The following PTPRD variants were observed in gnomAD, a reference collection of about 807,000 sequenced individuals.
The protein encoded by PTPRD is receptor-type tyrosine-protein phosphatase delta.
In PTPRD, 34 loss-of-function variants were observed where a neutral mutation model predicts 214.5. The observed-to-expected ratio is 0.16, with a 90% CI of 0.12 to 0.21. The LOEUF (loss-of-function observed/expected upper bound fraction) is 0.21. PTPRD is among the 10% of genes least tolerant of loss of function. The probability of loss-of-function intolerance (pLI) is 1.00; values close to 1 mark genes in which losing one functional copy is unlikely to be tolerated. For synonymous variants in PTPRD, 1,128 were observed against 845.7 expected (o/e 1.33, Z -5.79); for missense variants, 2,545 against 2,398.7 (o/e 1.06, Z -1.27).
chr9:10,356,762 C>T (rs2097286758), intron 2 of PTPRD, among the ~76,000 whole-genome samples: 1 of 152,010 alleles, frequency 6.6e-6, no homozygotes, highest in Non-Finnish European at 1.5e-5. Context: ...TTACAGAAAC[C>T]TCTGTCTCCC....
At chr9:9,832,233 T>G (rs1355215171) in intron 5 of PTPRD, among the ~76,000 whole-genome samples, 1 of 151,948 alleles carries the variant, frequency 6.6e-6, no homozygotes, top group Non-Finnish European at 1.5e-5. Context: ...AAGTAGATCT[T>G]GGAGTAGCAG....
chr9:9,689,174 C>T (rs79196071), intron 7 of PTPRD, among the ~76,000 whole-genome samples: 2,332 of 151,842 alleles, frequency 0.015, 55 homozygotes, highest in African/African-American at 0.054. Context: ...TCCAATTTCA[C>T]GACCAGAGAC....
At chr9:10,289,700 A>G (rs2095474118) in intron 3 of PTPRD, among the ~76,000 whole-genome samples, 1 of 152,226 alleles carries the variant, frequency 6.6e-6, no homozygotes, top group African/African-American at 2.4e-5. Context: ...AAAGGGCTAA[A>G]TAGGAAATCT....
rs2097153530 is a variant in PTPRD, at chr9:10,349,920, C to CA, written c.-599-8904dup. On this transcript the variant is annotated intron_variant, in intron 2 of 45. Transcript: ENST00000381196. ...CAGGTGGTCGGCCCACCTCGTCCCCCAAAGTGCTGGGATTACAGGCATGAG... is the reference window on the plus strand; with the variant it reads ...CAGGTGGTCGGCCCACCTCGTCCCCCAAAAGTGCTGGGATTACAGGCATGAG... Among the ~76,000 whole-genome samples, 9 of 152,176 alleles carry CA rather than the reference C, an allele frequency of 5.9e-5. 1 individual carries two copies. Among genetic ancestry groups the CA allele is most frequent in the Admixed American group, 5.2e-4 (8 of 15,274 alleles).
At chr9:8,504,599 T>A (rs964008589) in intron 22 of PTPRD, among the ~76,000 whole-genome samples, 194 bp from the exon 23 acceptor site, 9 of 152,156 alleles carry the variant, frequency 5.9e-5, no homozygotes, top group South Asian at 2.1e-4. Flanking sequence ...AAAAGGCAAG[T>A]TTCTACAAAG....
At chr9:9,288,875 T>A (rs1950305935) in intron 9 of PTPRD, among the ~76,000 whole-genome samples, 1 of 151,820 alleles carries the variant, frequency 6.6e-6, no homozygotes. Flanking sequence ...TATAAGGGAC[T>A]TTTCCTCCTT....
At chr9:10,494,303 C>A (rs538056011) in intron 2 of PTPRD, among the ~76,000 whole-genome samples, 1 of 151,848 alleles carries the variant, frequency 6.6e-6, no homozygotes, top group African/African-American at 2.4e-5. Flanking sequence ...TGATTACATG[C>A]ATTTCTATTT....
intron 3 of PTPRD, among the ~76,000 whole-genome samples, chr9:10,143,464 A>G (rs1264632828): frequency 6.6e-6 from 1 of 152,026 alleles, no homozygotes; most frequent in African/African-American, 2.4e-5. Flanking sequence ...GTTGGTGGGG[A>G]TCTAACTTAG....
chr9:9,558,022 C>T (rs1180962707), intron 8 of PTPRD, among the ~76,000 whole-genome samples: 2 of 152,204 alleles, frequency 1.3e-5, no homozygotes, highest in African/African-American at 2.4e-5. Flanking sequence ...TTTTACTTGC[C>T]TTCAGGGTCA....
chr9:9,427,638 G>C (rs954351876), intron 8 of PTPRD, among the ~76,000 whole-genome samples: 1 of 152,110 alleles, frequency 6.6e-6, no homozygotes, highest in African/African-American at 2.4e-5. Flanking sequence ...AAAAGAAGGA[G>C]AAAATGTTAA....
chr9:9,959,209 C>A (rs369494468), intron 4 of PTPRD, among the ~76,000 whole-genome samples: 4 of 152,008 alleles, frequency 2.6e-5, no homozygotes, highest in Non-Finnish European at 5.9e-5. Context: ...CTTAAATGCA[C>A]CTTTGATGGC....
intron 30 of PTPRD, among the ~76,000 whole-genome samples, chr9:8,482,177 C>G (rs1221682507): frequency 1.3e-5 from 2 of 152,148 alleles, no homozygotes; most frequent in Non-Finnish European, 2.9e-5. Context: ...TCATTTACTT[C>G]TGAATTTTTT....
intron 11 of PTPRD, among the ~76,000 whole-genome samples, chr9:8,839,387 G>A (rs9918965): frequency 0.12 from 18,611 of 151,922 alleles, 1,378 homozygotes; most frequent in East Asian, 0.27. Flanking sequence ...GCGCTGTGGC[G>A]CGATCTTGGC....
chr9:9,360,817 T>C (rs973904567), intron 9 of PTPRD, among the ~76,000 whole-genome samples: 1 of 151,120 alleles, frequency 6.6e-6, no homozygotes, highest in African/African-American at 2.4e-5. Context: ...AAGTGTATTA[T>C]GTGAGGAAGT....
intron 5 of PTPRD, among the ~76,000 whole-genome samples, chr9:9,837,482 T>C (rs1040177295): frequency 6.6e-6 from 1 of 152,084 alleles, no homozygotes; most frequent in African/African-American, 2.4e-5. Flanking sequence ...GGGAAGTAGG[T>C]CCAGTGTCGC....
In PTPRD at chr9:8,709,554, A is replaced by AATGCTAAC. The variant is rs1029774928; in HGVS notation, c.64+24218_64+24225dup. On this transcript the variant is annotated intron_variant, in intron 12 of 45. Coordinates refer to ENST00000381196, the MANE Select transcript of PTPRD (RefSeq NM_002839.4). ...AAAGAAAAAGAAAAAGAAAAAGAAAAATGCTAACAGAATGGATGTAAAGTG... is the reference window on the plus strand; with the variant it reads ...AAAGAAAAAGAAAAAGAAAAAGAAAAATGCTAACATGCTAACAGAATGGATGTAAAGTG... 7.4e-4 allele frequency among the ~76,000 whole-genome samples: 112 copies of AATGCTAAC among 151,700 alleles called. No homozygotes were observed. In the East Asian group the frequency reaches 0.021, roughly 29 times the overall value.
chr9:9,501,802 G>C (rs1422677853), intron 8 of PTPRD, among the ~76,000 whole-genome samples: 4 of 151,770 alleles, frequency 2.6e-5, no homozygotes, highest in Admixed American at 6.6e-5. Flanking sequence ...CAAAATTTTA[G>C]ACTACCAGTG....
chr9:9,881,752 A>C (rs779688508), intron 5 of PTPRD, among the ~76,000 whole-genome samples: 1 of 152,108 alleles, frequency 6.6e-6, no homozygotes, highest in Non-Finnish European at 1.5e-5. Flanking sequence ...CTGCAGCTGG[A>C]TTTTCAGAGT....
At chr9:9,067,015 G>A (rs1197133592) in intron 10 of PTPRD, among the ~76,000 whole-genome samples, 4 of 152,230 alleles carry the variant, frequency 2.6e-5, no homozygotes, top group African/African-American at 9.6e-5. Context: ...GGCTGAGGTG[G>A]GCGGATCACC....
Sources: gnomAD v4.1 joint callset for allele counts (sites outside exome capture counted in the v4.1 genomes callset) on GRCh38, gnomAD v4.1.1 for gene constraint, MANE v1.5 for transcripts, NCBI Gene and HGNC (gene_info 2026-07-23, HGNC 2026-07-21) for gene names.